Variants in GRIN1 observed in about 807,000 individuals in gnomAD.
GRIN1 encodes glutamate receptor ionotropic, NMDA 1.
A neutral mutation model predicts 103.0 loss-of-function variants in GRIN1; 38 were observed. The ratio of observed to expected loss-of-function variants is 0.37; its 90% CI spans 0.28 to 0.48. The LOEUF (loss-of-function observed/expected upper bound fraction) is 0.48, where lower values mean the gene tolerates loss of function less well. Ranked by LOEUF, GRIN1 falls within the 20% of genes least tolerant of loss-of-function variation. The probability of loss-of-function intolerance (pLI) is 0.98; values close to 1 mark genes in which losing one functional copy is unlikely to be tolerated. For missense variants in GRIN1, 577 were observed against 1,288.9 expected (o/e 0.45, Z 8.46); for synonymous variants, 544 against 532.7 (o/e 1.02, Z -0.29).
rs367543115 is a variant in GRIN1 at position 137,162,896 on chromosome 9, C to T, written c.2064C>T (p.Ser688=). ...TCTACGCCACGGTGAAGCAGAGCTC[C>T]GTGGATATCTACTTCCGGCGCCAGG... ...KFIYATVKQS[S]VDIYFRRQVE... The change falls in exon 15 of 20, where the codon TCC becomes TCT. Residue 688 remains serine, a synonymous_variant. Coordinates refer to ENST00000371561, the MANE Select transcript of GRIN1 (RefSeq NM_007327.4). 6.2e-7 allele frequency: 1 copy of T among 1,611,672 alleles called. No individual in the cohort carries two copies. The highest frequency in any genetic ancestry group is 1.7e-5 in the Admixed American group (1 of 59,864).
Position 137,145,653 on chromosome 9 carries a change from G to A in GRIN1, c.394-73G>A, listed in dbSNP as rs368907243. 224 of 1,308,820 alleles carry A rather than the reference G, an allele frequency of 1.7e-4. 1 individual carries two copies. Among genetic ancestry groups the A allele is most frequent in the Middle Eastern group, 1.3e-3 (5 of 3,882 alleles). The allele number at this position is 1,308,820 out of a possible 1,614,324, so 81.1% of individuals were successfully genotyped here. A position where few individuals can be genotyped will look rare whatever the true frequency, so the allele number is the denominator to read the frequency against. On this transcript the variant is annotated intron_variant, in intron 2 of 19. Transcript: ENST00000371561. ...GTTCCCAGCCTCCGGCGGGTGTTCCGGCAGTGGGAGGCGGGTGGGAGGGCG... is the reference window on the plus strand; with the variant it reads ...GTTCCCAGCCTCCGGCGGGTGTTCCAGCAGTGGGAGGCGGGTGGGAGGGCG...
chr9:137,145,365 T>C (rs1246777365), intron 2 of GRIN1, among the ~76,000 whole-genome samples: 36 of 100,808 alleles, frequency 3.6e-4, no homozygotes, highest in African/African-American at 1.3e-3. Flanking sequence ...CCCAGGGTGG[T>C]AGGGACAGGG....
At chr9:137,149,306 T>C (rs976871880) in intron 4 of GRIN1, among the ~76,000 whole-genome samples, 197 bp downstream of exon 4, 16 of 151,954 alleles carry the variant, frequency 1.1e-4, no homozygotes, top group Admixed American at 5.9e-4. Flanking sequence ...CCTCCATCTG[T>C]CCCTCCCTTC....
chr9:137,161,375 G>A lies in GRIN1; in HGVS notation c.1426G>A (p.Val476Met). The change falls in exon 10 of 20, where the codon GTG (valine) becomes ATG (methionine). Residue 476 changes from valine to methionine, a missense_variant. By Grantham distance (21) the Val-to-Met change is conservative. Around this residue, in one of 9 missense-constraint regions of GRIN1, gnomAD observed 96 missense variants for 145.0 expected, o/e 0.66. Transcript: ENST00000371561. ...ACGGACCATGAACTTCACCTACGAG[G>A]TGCACCTGGTGGCAGATGGCAAGTT... ...LARTMNFTYE[V>M]HLVADGKFGT... The A allele has an allele frequency of 6.2e-7, 1 of 1,612,516 alleles. No individual in the cohort carries two copies. The highest frequency in any genetic ancestry group is 8.5e-7 in the Non-Finnish European group (1 of 1,179,796).
chr9:137,140,037 G>A (rs977138298), intron 1 of GRIN1, among the ~76,000 whole-genome samples: 1 of 152,038 alleles, frequency 6.6e-6, no homozygotes, highest in African/African-American at 2.4e-5. Context: ...GTGTGTCAGT[G>A]TGGGGGTGGG....
intron 4 of GRIN1, among the ~76,000 whole-genome samples, chr9:137,154,570 C>T (rs1469393767): frequency 5.3e-5 from 8 of 151,094 alleles, no homozygotes; most frequent in Non-Finnish European, 8.8e-5. Context: ...TCTCCTGCCA[C>T]GGCCTCCCGA....
rs575851939 is a variant in GRIN1, at chr9:137,161,828, C to T, written c.1468-96C>T. On this transcript the variant is annotated intron_variant, in intron 10 of 19. Coordinates refer to ENST00000371561, the MANE Select transcript of GRIN1 (RefSeq NM_007327.4). ...GCTGGGTAGGGTCTTGGGGAGAAGACCCCCGGAGTGCTCTAGGGCGGCTTC... is the reference window on the plus strand; with the variant it reads ...GCTGGGTAGGGTCTTGGGGAGAAGATCCCCGGAGTGCTCTAGGGCGGCTTC... 7.8e-6 allele frequency: 10 copies of T among 1,280,986 alleles called. No homozygotes were observed. In the East Asian group the frequency reaches 2.3e-4, roughly 29 times the overall value. The allele number at this position is 1,280,986 out of a possible 1,614,324, so 79.4% of individuals were successfully genotyped here.
chr9:137,158,624 A>G lies in GRIN1; in HGVS notation c.1117A>G (p.Ile373Val). Residue 373 changes from isoleucine (I) to valine (V), a missense_variant, in exon 8 of 20, where the codon ATC becomes GTC. Transcript: ENST00000371561. The stretch of plus-strand genomic sequence containing the variant: ...CATCTCATACTCCCACCCCCAGGTC[A>G]TCCCTAATGACAGGAAGATCATCTG... ...QVGIYNGTHV[I>V]PNDRKIIWPG... The G allele has an allele frequency of 6.2e-7, 1 of 1,612,700 alleles. No individual in the cohort carries two copies. The highest frequency in any genetic ancestry group is 8.5e-7 in the Non-Finnish European group (1 of 1,179,846).
chr9:137,149,546 G>A (rs1046148046), intron 4 of GRIN1, among the ~76,000 whole-genome samples: 5 of 152,366 alleles, frequency 3.3e-5, no homozygotes, highest in Non-Finnish European at 5.9e-5. Context: ...CCAACTGAAG[G>A]ATTGCAACAG....
rs1450115619 is a variant in GRIN1, at chr9:137,139,684, G to T, written c.198G>T (p.Thr66=). The stretch of plus-strand genomic sequence containing the variant: ...TTCAGCTCAATGCCACCTCCGTCAC[G>T]CACAAGCCCAACGCCATCCAGATGG... ...WKIQLNATSV[T]HKPNAIQMAL... The change falls in exon 1 of 20, where the codon ACG becomes ACT. Residue 66 remains threonine (T), a synonymous_variant. Coordinates refer to ENST00000371561, the MANE Select transcript of GRIN1 (RefSeq NM_007327.4). This position sits in a 1 kb window ranked among gnomAD's most constrained non-coding sequence, Gnocchi z 7.7. 2 of 1,613,730 alleles carry T rather than the reference G, an allele frequency of 1.2e-6. No individual in the cohort carries two copies. The highest frequency in any genetic ancestry group is 2.2e-5 in the East Asian group (1 of 44,894).
intron 2 of GRIN1, among the ~76,000 whole-genome samples, chr9:137,145,088 G>A (rs1238009193): frequency 1.3e-4 from 2 of 15,816 alleles, no homozygotes; most frequent in African/African-American, 6.7e-4. Flanking sequence ...GGTGGGGACC[G>A]GGGTGAGAGG....
intron 2 of GRIN1, among the ~76,000 whole-genome samples, chr9:137,142,444 G>GCACACATCACACACT (rs1240025643): frequency 2.0e-5 from 3 of 152,150 alleles, no homozygotes; most frequent in African/African-American, 7.2e-5. Flanking sequence ...AAGGGAGGGG[G>GCACACATCACACACT]CACACATCAC....
chr9:137,146,164 C>T lies in GRIN1; in HGVS notation c.570+262C>T, dbSNP rs1832518615. Among the ~76,000 whole-genome samples the T allele has an allele frequency of 1.3e-5, 2 of 152,116 alleles. No individual in the cohort carries two copies. Among genetic ancestry groups the T allele is most frequent in the Non-Finnish European group, 1.5e-5 (1 of 67,998 alleles). ...CGCAAACACCCCTGCCCCGCGCTGC[C>T]GAGCGCCCTCGTCCCCTCCTCCTGC... On this transcript the variant is annotated intron_variant, in intron 3 of 19. Coordinates refer to ENST00000371561, the MANE Select transcript of GRIN1 (RefSeq NM_007327.4). The surrounding 1 kb of genome is among the most constrained non-coding windows in gnomAD (Gnocchi z 6.7).
intron 16 of GRIN1, 79 bp from the exon 17 acceptor site, chr9:137,163,480 C>T: frequency 7.5e-7 from 1 of 1,333,000 alleles, no homozygotes; most frequent in Non-Finnish European, 1.1e-6. Flanking sequence ...CCGCAGGCCC[C>T]GCCCCGGCCC....
intron 10 of GRIN1, 111 bp from the exon 11 acceptor site, chr9:137,161,813 G>C: frequency 8.9e-7 from 1 of 1,121,674 alleles, no homozygotes; most frequent in Non-Finnish European, 1.3e-6. Flanking sequence ...GCTGGGTAGG[G>C]TCTTGGGGAG....
In GRIN1 at chr9:137,168,147, G is replaced by A. The variant is rs995920375; in HGVS notation, c.*620G>A. 8 of 507,632 alleles carry A rather than the reference G, an allele frequency of 1.6e-5. No individual in the cohort carries two copies. Among genetic ancestry groups the A allele is most frequent in the South Asian group, 4.5e-5 (2 of 44,846 alleles). 31.4% of individuals were successfully genotyped at this position (507,632 alleles called of 1,614,324 possible). ...GGGGCTAACTGGCCCCAGGCGGAGG[G>A]GCTTGGAGCAGAGACGGCAGCCCCA... On this transcript the variant is annotated 3_prime_UTR_variant, in exon 20 of 20. Coordinates refer to ENST00000371561, the MANE Select transcript of GRIN1 (RefSeq NM_007327.4).
intron 18 of GRIN1, chr9:137,164,522 G>T (rs1833757342): frequency 5.8e-6 from 1 of 173,400 alleles, no homozygotes; most frequent in African/African-American, 2.4e-5. Flanking sequence ...CTCTTTCTCT[G>T]GGTGCCGTCC....
intron 4 of GRIN1, among the ~76,000 whole-genome samples, chr9:137,154,451 T>A: frequency 1.8e-5 from 2 of 112,572 alleles, no homozygotes; most frequent in East Asian, 5.1e-4. Context: ...TTTTTTTTTT[T>A]TTTTTTTTTT....
At chr9:137,165,398 C>T (rs1833814604) in intron 19 of GRIN1, 102 bp downstream of exon 19, 1 of 776,382 alleles carries the variant, frequency 1.3e-6, no homozygotes, top group African/African-American at 1.7e-5. Flanking sequence ...GCTCCTGTGG[C>T]CCACTCTGCC....
Sources: allele counts gnomAD v4.1 joint callset (sites outside exome capture counted in the v4.1 genomes callset), GRCh38; gene constraint gnomAD v4.1.1; regional missense constraint gnomAD v4.1.1; non-coding constraint Gnocchi (gnomAD v3.1); transcripts MANE v1.5; gene names NCBI Gene and HGNC (gene_info 2026-07-23, HGNC 2026-07-21).